Variants in SYT1 observed in about 807,000 individuals in gnomAD.
SYT1 encodes synaptotagmin 1.
A neutral mutation model predicts 44.8 loss-of-function variants in SYT1; 8 were observed. The observed-to-expected ratio is 0.18, with a 90% CI of 0.10 to 0.32. The LOEUF is 0.32. Among genes scored for constraint, SYT1 ranks in the 10% least tolerant of loss-of-function variants. SYT1 has a pLI of 1.00. For missense variants in SYT1, 286 were observed against 509.3 expected, an observed-to-expected ratio of 0.56 and a Z score of 4.22; for synonymous variants, 154 against 188.8, an observed-to-expected ratio of 0.82 and a Z score of 1.51.
intron 2 of SYT1, among the ~76,000 whole-genome samples, chr12:79,028,081 C>T (rs953781278): frequency 2.0e-5 from 3 of 151,584 alleles, no homozygotes; most frequent in Middle Eastern, 3.4e-3. Flanking sequence ...TTATCAATTG[C>T]TTGTTCAAGT....
At chr12:79,363,572 T>TAA (rs113675330) in intron 9 of SYT1, among the ~76,000 whole-genome samples, 75 of 139,640 alleles carry the variant, frequency 5.4e-4, no homozygotes, top group Middle Eastern at 3.6e-3. Flanking sequence ...CAAAAAAAAT[T>TAA]AAAAAAAAAA....
At chr12:79,300,312 C>T (rs1469056627) in intron 8 of SYT1, among the ~76,000 whole-genome samples, 1 of 152,176 alleles carries the variant, frequency 6.6e-6, no homozygotes, top group Non-Finnish European at 1.5e-5. Flanking sequence ...CCCTTAGCTT[C>T]TCCAAATTCC....
At chr12:79,352,196 C>CCCA (rs1555220373) in intron 8 of SYT1, among the ~76,000 whole-genome samples, 4 of 128,222 alleles carry the variant, frequency 3.1e-5, no homozygotes, top group East Asian at 2.2e-4. Context: ...ACCCCCCCCC[C>CCCA]AAAAAAAAAA....
rs140755211 is a variant in SYT1 at position 79,074,086 on chromosome 12, A to G, written c.-18+26724A>G. 1.1e-3 allele frequency among the ~76,000 whole-genome samples: 164 copies of G among 152,342 alleles called. 1 individual carries two copies. Among genetic ancestry groups the G allele is most frequent in the African/African-American group, 3.8e-3 (158 of 41,584 alleles). ...ATTCACACATTTTGCATTTTGCAAT[A>G]GAGACCAAGACTCTGGAGTGTTTTT... On this transcript the variant is annotated intron_variant, in intron 3 of 10. Transcript: ENST00000261205.
At chr12:78,966,361 TATC>T (rs2137365785) in intron 1 of SYT1, among the ~76,000 whole-genome samples, 1 of 152,230 alleles carries the variant, frequency 6.6e-6, no homozygotes, top group East Asian at 1.9e-4. Flanking sequence ...TTGGTACCCT[TATC>T]ATCATTTTAA....
Position 79,080,434 on chromosome 12 carries a change from G to T in SYT1, c.-18+33072G>T, listed in dbSNP as rs544267649. On this transcript the variant is annotated intron_variant, in intron 3 of 10. Coordinates refer to ENST00000261205, the MANE Select transcript of SYT1 (RefSeq NM_005639.3). Reference sequence around the variant, plus strand: ...ATTAATTAACCTTCAGGTCCAAGGAGAGTTAGAGAAAGTTCTGCTATAAAA... The same window carrying T: ...ATTAATTAACCTTCAGGTCCAAGGATAGTTAGAGAAAGTTCTGCTATAAAA... Among the ~76,000 whole-genome samples, 274 of 152,162 alleles carry T rather than the reference G, an allele frequency of 1.8e-3. 1 individual carries two copies. The highest frequency in any genetic ancestry group is 6.8e-3 in the Middle Eastern group (2 of 292).
intron 3 of SYT1, among the ~76,000 whole-genome samples, chr12:79,106,961 C>T (rs1878751749): frequency 6.6e-6 from 1 of 151,940 alleles, no homozygotes; most frequent in Non-Finnish European, 1.5e-5. Flanking sequence ...ACATATGTCT[C>T]ACTTTGCATT....
intron 8 of SYT1, among the ~76,000 whole-genome samples, chr12:79,300,380 A>G (rs565088136): frequency 6.6e-6 from 1 of 152,174 alleles, no homozygotes; most frequent in South Asian, 2.1e-4. Context: ...GTAATTACGC[A>G]AGAGATTGCT....
intron 1 of SYT1, among the ~76,000 whole-genome samples, chr12:78,882,658 T>G: frequency 6.6e-6 from 1 of 151,878 alleles, no homozygotes; most frequent in South Asian, 2.1e-4. Context: ...AGACATTAAG[T>G]TTGAAAATAT....
chr12:78,984,742 A>G lies in SYT1; in HGVS notation c.-84+6811A>G, dbSNP rs891871677. Among the ~76,000 whole-genome samples the G allele has an allele frequency of 3.3e-5, 5 of 152,112 alleles. No homozygotes were observed. In the South Asian group the frequency reaches 6.2e-4, roughly 19 times the overall value. On this transcript the variant is annotated intron_variant, in intron 2 of 10. Transcript: ENST00000261205. ...AATTAGATGGAGTTTTTGGTTCACA[A>G]TAGCTGACAAGTTGACAATATGCTT...
At chr12:78,892,958 A>G (rs1403794482) in intron 1 of SYT1, among the ~76,000 whole-genome samples, 1 of 151,858 alleles carries the variant, frequency 6.6e-6, no homozygotes, top group Non-Finnish European at 1.5e-5. Context: ...TAGCATTATA[A>G]TATTCTCATA....
intron 1 of SYT1, among the ~76,000 whole-genome samples, chr12:78,919,093 G>A (rs941918162): frequency 1.3e-5 from 2 of 151,968 alleles, no homozygotes; most frequent in Admixed American, 6.6e-5. Flanking sequence ...GACTTTTCAT[G>A]ATTATTAATT....
intron 1 of SYT1, among the ~76,000 whole-genome samples, chr12:78,948,154 T>C (rs1878769652): frequency 6.6e-6 from 1 of 151,748 alleles, no homozygotes. Context: ...AAGTCAATAT[T>C]ACTATAACTC....
intron 4 of SYT1, among the ~76,000 whole-genome samples, chr12:79,280,584 A>G (rs1878992523): frequency 6.6e-6 from 1 of 151,992 alleles, no homozygotes; most frequent in South Asian, 2.1e-4. Flanking sequence ...AACTCTTCTC[A>G]ACATTGGTGT....
chr12:79,187,171 A>G (rs1439685201), intron 3 of SYT1, among the ~76,000 whole-genome samples: 6 of 152,184 alleles, frequency 3.9e-5, no homozygotes, highest in South Asian at 4.1e-4. Context: ...CTTGTTTTAT[A>G]TAACTCTCTC....
At chr12:79,033,618 A>T (rs773935871) in intron 2 of SYT1, among the ~76,000 whole-genome samples, 2 of 151,296 alleles carry the variant, frequency 1.3e-5, no homozygotes, top group Non-Finnish European at 3.0e-5. Flanking sequence ...TTGAAGGGGG[A>T]TCTAGAGTCT....
At chr12:79,252,822 G>T (rs183974851) in intron 4 of SYT1, among the ~76,000 whole-genome samples, 6 of 152,122 alleles carry the variant, frequency 3.9e-5, no homozygotes, top group African/African-American at 1.4e-4. Context: ...ACACAATAAC[G>T]CATTTAACTT....
At chr12:79,267,361 C>T (rs566033082) in intron 4 of SYT1, among the ~76,000 whole-genome samples, 3 of 152,232 alleles carry the variant, frequency 2.0e-5, no homozygotes, top group Non-Finnish European at 2.9e-5. Flanking sequence ...TTTTCTCAGG[C>T]ATCTTTGCCA....
chr12:79,424,838 T>C (rs1201710319), intron 9 of SYT1, among the ~76,000 whole-genome samples: 1 of 152,058 alleles, frequency 6.6e-6, no homozygotes, highest in African/African-American at 2.4e-5. Context: ...TGTTTTGTTT[T>C]TTTTTTAAGT....
Sources: allele counts gnomAD v4.1 joint callset (sites outside exome capture counted in the v4.1 genomes callset), GRCh38; gene constraint gnomAD v4.1.1; transcripts MANE v1.5; gene names NCBI Gene and HGNC (gene_info 2026-07-23, HGNC 2026-07-21).